ZNF585B: variants seen among roughly 807,000 people sequenced by gnomAD.
ZNF585B encodes zinc finger protein 585B.
ZNF585B carries 7 observed loss-of-function variants against 14.0 expected under a neutral mutation model. The ratio of observed to expected loss-of-function variants is 0.50; its 90% CI spans 0.28 to 0.94. The LOEUF (loss-of-function observed/expected upper bound fraction) is 0.94. Among genes scored for constraint, ZNF585B ranks in the 40% least tolerant of loss-of-function variants. ZNF585B has a pLI of 0.09. For missense variants in ZNF585B, 750 were observed against 924.4 expected (o/e 0.81, Z 2.45); for synonymous variants, 290 against 317.3 (o/e 0.91, Z 0.91).
chr19:37,200,750 T>A (rs980924044), intron 2 of ZNF585B, among the ~76,000 whole-genome samples: 1 of 151,548 alleles, frequency 6.6e-6, no homozygotes, highest in African/African-American at 2.4e-5. Flanking sequence ...GATATAAAGA[T>A]TGGGTTAAAG....
chr19:37,186,012 A>G lies in ZNF585B; in HGVS notation c.1525T>C (p.Leu509=), dbSNP rs772636766. 7 of 1,613,942 alleles carry G rather than the reference A, an allele frequency of 4.3e-6. No individual in the cohort carries two copies. The highest frequency in any genetic ancestry group is 2.7e-5 in the African/African-American group (2 of 74,874). ...CGKAFTQRSD[L]ITHQRIHTGE... is the part of the protein sequence containing the mutation. Reference sequence around the variant, plus strand: ...GTATGGATTCTCTGATGTGTAATCAAGTCTGACCTCTGGGTGAAGGCCTTT... The same window carrying G: ...GTATGGATTCTCTGATGTGTAATCAGGTCTGACCTCTGGGTGAAGGCCTTT... The change falls in exon 5 of 5, where the codon TTG becomes CTG. Residue 509 remains leucine (L), a synonymous_variant. Transcript: ENST00000532828.
At chr19:37,199,340 A>G (rs1488042718) in intron 2 of ZNF585B, 1 of 349,104 alleles carries the variant, frequency 2.9e-6, no homozygotes, top group African/African-American at 2.2e-5. Flanking sequence ...AAGCCTGGGT[A>G]ACATGGTGAA....
rs1599761109 is a variant in ZNF585B at position 37,184,500 on chromosome 19, GAA to G, written c.*725_*726del. 6.7e-6 allele frequency: 1 copy of G among 149,064 alleles called. No homozygotes were observed. The highest frequency in any genetic ancestry group is 2.5e-5 in the African/African-American group (1 of 40,036). 9.2% of individuals were successfully genotyped at this position (149,064 alleles called of 1,614,324 possible). A position where few individuals can be genotyped will look rare whatever the true frequency, so the allele number is the denominator to read the frequency against. On this transcript the variant is annotated 3_prime_UTR_variant, in exon 5 of 5. Coordinates refer to ENST00000532828, the MANE Select transcript of ZNF585B (RefSeq NM_152279.4). Reference sequence around the variant, plus strand: ...AGAAAGAAAGAAAGAAAGAAAGAAAGAAAGAGAAAGAAAGAAAGAAAAAGAAA... The same window carrying G: ...AGAAAGAAAGAAAGAAAGAAAGAAAGAGAGAAAGAAAGAAAGAAAAAGAAA...
chr19:37,185,830 C>T lies in ZNF585B; in HGVS notation c.1707G>A (p.Gln569=), dbSNP rs577590363. The change falls in exon 5 of 5, where the codon CAG becomes CAA. Residue 569 remains glutamine, a synonymous_variant. Transcript: ENST00000532828. ...FNQKSILIVH[Q]KIHTGEKPYV... ...AGGGTTTCTCTCCTGTATGAATTTTCTGATGAACAATGAGTATTGATTTCT... is the reference window on the plus strand; with the variant it reads ...AGGGTTTCTCTCCTGTATGAATTTTTTGATGAACAATGAGTATTGATTTCT... The T allele has an allele frequency of 6.2e-6, 10 of 1,611,024 alleles. No homozygotes were observed. In the East Asian group the frequency reaches 1.8e-4, roughly 29 times the overall value.
Position 37,186,795 on chromosome 19 carries a change from C to T in ZNF585B, c.742G>A (p.Gly248Ser). The change falls in exon 5 of 5, where the codon GGC (glycine) becomes AGC (serine). Residue 248 changes from glycine to serine, a missense_variant. Coordinates refer to ENST00000532828, the MANE Select transcript of ZNF585B (RefSeq NM_152279.4). ...GERHHECTDC[G>S]KAFTQKSTLK... ...GTGGACTTTTGTGTGAACGCTTTGC[C>T]ACAGTCAGTGCATTCATGGTGTCTC... The T allele has an allele frequency of 1.2e-6, 2 of 1,614,094 alleles. No homozygotes were observed. Among genetic ancestry groups the T allele is most frequent in the South Asian group, 1.1e-5 (1 of 91,080 alleles).
At chr19:37,189,460 C>T in intron 4 of ZNF585B, 2 of 580,092 alleles carry the variant, frequency 3.4e-6, no homozygotes, top group South Asian at 2.1e-5. Flanking sequence ...CTGACTGGCA[C>T]ATGACTTATA....
At position 37,185,798 on chromosome 19, in the gene ZNF585B, C is replaced by T; in HGVS notation, c.1739G>A (p.Cys580Tyr). The T allele has an allele frequency of 6.2e-7, 1 of 1,602,364 alleles. No homozygotes were observed. Among genetic ancestry groups the T allele is most frequent in the Non-Finnish European group, 8.5e-7 (1 of 1,173,810 alleles). The change falls in exon 5 of 5, where the codon TGC becomes TAC. Residue 580 changes from cysteine (C) to tyrosine (Y), a missense_variant. Transcript: ENST00000532828. ...KIHTGEKPYV[C>Y]TECGRAFIRK... ...GATGAAAGCTCTTCCACACTCAGTGCATACATAGGGTTTCTCTCCTGTATG... is the reference window on the plus strand; with the variant it reads ...GATGAAAGCTCTTCCACACTCAGTGTATACATAGGGTTTCTCTCCTGTATG...
At chr19:37,205,075 T>G (rs902209000) in intron 2 of ZNF585B, among the ~76,000 whole-genome samples, 1 of 152,094 alleles carries the variant, frequency 6.6e-6, no homozygotes, top group Non-Finnish European at 1.5e-5. Flanking sequence ...TAATTAAATT[T>G]TTTTTTTGGT....
Position 37,210,456 on chromosome 19 carries a change from G to C in ZNF585B, c.-159C>G, listed in dbSNP as rs539686606. The C allele has an allele frequency of 2.8e-4, 42 of 152,328 alleles. No homozygotes were observed. Among genetic ancestry groups the C allele is most frequent in the African/African-American group, 9.9e-4 (41 of 41,552 alleles). The allele number at this position is 152,328 out of a possible 1,614,324, so 9.4% of individuals were successfully genotyped here. On this transcript the variant is annotated 5_prime_UTR_variant, in exon 1 of 5. Transcript: ENST00000532828. Reference sequence around the variant, plus strand: ...TGCAACCAACCAAAATCGTCACAGAGACCTCTCGGCATTAAAACGTGAAAA... The same window carrying C: ...TGCAACCAACCAAAATCGTCACAGACACCTCTCGGCATTAAAACGTGAAAA...
At chr19:37,192,567 T>A (rs1289993286) in intron 2 of ZNF585B, among the ~76,000 whole-genome samples, 3 of 150,994 alleles carry the variant, frequency 2.0e-5, no homozygotes, top group African/African-American at 7.3e-5. Flanking sequence ...TCCCAGCACT[T>A]TGGGAGGCCG....
At chr19:37,191,785 T>C (rs1014580363) in intron 2 of ZNF585B, among the ~76,000 whole-genome samples, 1 of 151,778 alleles carries the variant, frequency 6.6e-6, no homozygotes, top group Admixed American at 6.6e-5. Flanking sequence ...TGTAATCCCA[T>C]CACTTTGGGA....
At position 37,184,611 on chromosome 19, in the gene ZNF585B, T is replaced by C. The variant is rs149212922; in HGVS notation, c.*616A>G. 7.2e-3 allele frequency: 1,197 copies of C among 166,618 alleles called. 19 individuals are homozygous for C. The highest frequency in any genetic ancestry group is 0.027 in the African/African-American group (1,148 of 42,166). The allele number at this position is 166,618 out of a possible 1,614,324, so 10.3% of individuals were successfully genotyped here. ...TCCTGGCAGATAATGAAGGGGACTG[T>C]AAGTCTTTTTCTATGACAATGGGGA... On this transcript the variant is annotated 3_prime_UTR_variant, in exon 5 of 5. Coordinates refer to ENST00000532828, the MANE Select transcript of ZNF585B (RefSeq NM_152279.4).
At chr19:37,203,874 C>T (rs1230418222) in intron 2 of ZNF585B, among the ~76,000 whole-genome samples, 4 of 152,146 alleles carry the variant, frequency 2.6e-5, no homozygotes, top group Non-Finnish European at 4.4e-5. Flanking sequence ...GTGATCTGCC[C>T]GCCTCGGCCT....
chr19:37,188,530 G>A (rs1280907848), intron 4 of ZNF585B, among the ~76,000 whole-genome samples: 3 of 151,964 alleles, frequency 2.0e-5, no homozygotes, highest in African/African-American at 7.2e-5. Context: ...TTAGCCAGGC[G>A]TGGTGGCCCA....
chr19:37,189,420 G>C, intron 4 of ZNF585B: 2 of 489,992 alleles, frequency 4.1e-6, no homozygotes, highest in South Asian at 4.8e-5. Context: ...TACAGAAAAG[G>C]AATATAATAA....
chr19:37,202,523 T>A (rs1339696371), intron 2 of ZNF585B, among the ~76,000 whole-genome samples: 1 of 152,138 alleles, frequency 6.6e-6, no homozygotes, highest in East Asian at 1.9e-4. Flanking sequence ...GCGTTGGGGG[T>A]GTTGAATCAA....
chr19:37,206,277 C>A (rs1972586123), intron 2 of ZNF585B, among the ~76,000 whole-genome samples: 1 of 151,674 alleles, frequency 6.6e-6, no homozygotes, highest in Admixed American at 6.6e-5. Context: ...CACGGAGAAA[C>A]CCCGTCTCTA....
chr19:37,183,194 T>G lies in ZNF585B; in HGVS notation c.*2033A>C, dbSNP rs899038069. On this transcript the variant is annotated 3_prime_UTR_variant, in exon 5 of 5. Coordinates refer to ENST00000532828, the MANE Select transcript of ZNF585B (RefSeq NM_152279.4). ...TGTACCTGTTTTCCCTTCTTTAGCA[T>G]CAGACCAAAAGGTTCACAATGACTT... is the stretch of plus-strand genomic sequence containing the variant. 4 of 152,202 alleles carry G rather than the reference T, an allele frequency of 2.6e-5. No individual in the cohort carries two copies. Among genetic ancestry groups the G allele is most frequent in the African/African-American group, 9.6e-5 (4 of 41,458 alleles). The allele number at this position is 152,202 out of a possible 1,614,324, so 9.4% of individuals were successfully genotyped here.
chr19:37,206,264 C>T (rs1175832079), intron 2 of ZNF585B, among the ~76,000 whole-genome samples: 3 of 151,750 alleles, frequency 2.0e-5, no homozygotes, highest in African/African-American at 7.3e-5. Context: ...TCAGCCTGAT[C>T]AACACGGAGA....
Sources: gnomAD v4.1 joint callset for allele counts (sites outside exome capture counted in the v4.1 genomes callset) on GRCh38, gnomAD v4.1.1 for gene constraint, MANE v1.5 for transcripts, NCBI Gene and HGNC (gene_info 2026-07-23, HGNC 2026-07-21) for gene names.